The following F3 variants were observed in gnomAD, a reference collection of about 807,000 sequenced individuals.
F3 encodes the protein coagulation factor III, tissue factor, also known as tissue factor.
In F3, 18 loss-of-function variants were observed where a neutral mutation model predicts 33.5. The ratio of observed to expected loss-of-function variants is 0.54; its 90% CI spans 0.37 to 0.80. The LOEUF (loss-of-function observed/expected upper bound fraction) is 0.80, where lower values mean the gene tolerates loss of function less well. Among genes scored for constraint, F3 ranks in the 30% least tolerant of loss-of-function variants. The pLI is 0.00. For missense variants in F3, 353 were observed against 362.1 expected, an observed-to-expected ratio of 0.97 and a Z score of 0.20; for synonymous variants, 147 against 140.7, an observed-to-expected ratio of 1.05 and a Z score of -0.32.
intron 2 of F3, 70 bp downstream of exon 2, chr1:94,540,187 A>T (rs1651730965): frequency 2.1e-6 from 2 of 971,088 alleles, no homozygotes; most frequent in African/African-American, 1.6e-5. Context: ...AGCTTTAAAG[A>T]CATTCTTGTT....
Position 94,541,745 on chromosome 1 carries a change from G to C in F3, c.-109C>G. On this transcript the variant is annotated 5_prime_UTR_variant, in exon 1 of 6. Transcript: ENST00000334047. ...CCAGAGGGAGTGCGAGGGGGTGCGG[G>C]GAGCTCGCAGTCTTGGGGAGCCGGT... is the stretch of plus-strand genomic sequence containing the variant. 1 of 573,584 alleles carries C rather than the reference G, an allele frequency of 1.7e-6. No homozygotes were observed. Among genetic ancestry groups the C allele is most frequent in the Non-Finnish European group, 2.7e-6 (1 of 375,436 alleles). 35.5% of individuals were successfully genotyped at this position (573,584 alleles called of 1,614,324 possible).
Position 94,535,968 on chromosome 1 carries a change from C to A in F3, c.409G>T (p.Glu137Ter), listed in dbSNP as rs1651589868. 6.2e-7 allele frequency: 1 copy of A among 1,614,124 alleles called. No homozygotes were observed. The highest frequency in any genetic ancestry group is 1.3e-5 in the African/African-American group (1 of 75,052). ...ENSPEFTPYL[E>*]TNLGQPTIQS... is the part of the protein sequence containing the mutation. ...TATTACAGCCCAAGCCACTTACTCT[C>A]CAGGTAAGGTGTGAACTCTGGGGAG... Residue 137 changes from glutamate (E) to a stop codon, truncating the protein, a stop_gained, in exon 3 of 6, where the codon GAG (glutamate) becomes TAG (stop). Coordinates refer to ENST00000334047, the MANE Select transcript of F3 (RefSeq NM_001993.5). LOFTEE classifies it high-confidence loss of function.
Position 94,530,398 on chromosome 1 carries a change from C to G in F3, c.*62G>C, listed in dbSNP as rs368166806. The G allele has an allele frequency of 4.4e-6, 7 of 1,601,254 alleles. No homozygotes were observed. The East Asian group carries it at 8.9e-5, about 20-fold the overall frequency. On this transcript the variant is annotated 3_prime_UTR_variant, in exon 6 of 6. Coordinates refer to ENST00000334047, the MANE Select transcript of F3 (RefSeq NM_001993.5). ...CATTTGCGTTTCCATGTATTCTATCCTCTTAAAAGTTCTCGGTCACAGTGC... is the reference window on the plus strand; with the variant it reads ...CATTTGCGTTTCCATGTATTCTATCGTCTTAAAAGTTCTCGGTCACAGTGC...
chr1:94,532,305 T>A lies in F3; in HGVS notation c.751+16A>T, dbSNP rs756815662. ...GCACCCATACCCCCAGGCAAATGGC[T>A]GGCAGAGCCACTCACCTCTGAATTC... On this transcript the variant is annotated intron_variant, in intron 5 of 5. Coordinates refer to ENST00000334047, the MANE Select transcript of F3 (RefSeq NM_001993.5). 1.2e-6 allele frequency: 2 copies of A among 1,612,702 alleles called. No individual in the cohort carries two copies. Among genetic ancestry groups the A allele is most frequent in the South Asian group, 2.2e-5 (2 of 90,796 alleles).
In F3 at chr1:94,533,261, G is replaced by A. The variant is rs765263987; in HGVS notation, c.420C>T (p.Leu140=). 17 of 1,610,138 alleles carry A rather than the reference G, an allele frequency of 1.1e-5. No homozygotes were observed. Among genetic ancestry groups the A allele is most frequent in the Middle Eastern group, 1.7e-4 (1 of 6,056 alleles). Residue 140 remains leucine, a synonymous_variant, in exon 4 of 6, where the codon CTC becomes CTT. Transcript: ENST00000334047. ...PEFTPYLETN[L]GQPTIQSFEQ... is the part of the protein sequence containing the mutation. ...CAAAACTCTGAATTGTTGGCTGTCC[G>A]AGGTTTGCTGAAACAAAGGAAATGA...
At position 94,529,972 on chromosome 1, in the gene F3, G is replaced by A. The variant is rs1326017229; in HGVS notation, c.*488C>T. ...CACCTGTAATCCCAGCTACTCGGGA[G>A]GCTGAGGCAGACAATTGCTTGAACC... On this transcript the variant is annotated 3_prime_UTR_variant, in exon 6 of 6. Transcript: ENST00000334047. 6.5e-6 allele frequency: 1 copy of A among 153,166 alleles called. No individual in the cohort carries two copies. The highest frequency in any genetic ancestry group is 6.5e-5 in the Admixed American group (1 of 15,328). The allele number at this position is 153,166 out of a possible 1,614,324, so 9.5% of individuals were successfully genotyped here. A position where few individuals can be genotyped will look rare whatever the true frequency, so the allele number is the denominator to read the frequency against.
intron 2 of F3, among the ~76,000 whole-genome samples, chr1:94,539,483 C>T (rs760431680): frequency 6.6e-6 from 1 of 152,182 alleles, no homozygotes; most frequent in Non-Finnish European, 1.5e-5. Context: ...ATGTAATTAG[C>T]ATTAAAATAA....
intron 2 of F3, among the ~76,000 whole-genome samples, chr1:94,536,535 T>G (rs1474285359): frequency 9.9e-5 from 15 of 152,208 alleles, no homozygotes; most frequent in Admixed American, 9.8e-4. Flanking sequence ...AAAGTGAGAT[T>G]GGGTGACTAG....
At chr1:94,538,945 C>T (rs930130065) in intron 2 of F3, among the ~76,000 whole-genome samples, 4 of 152,160 alleles carry the variant, frequency 2.6e-5, no homozygotes, top group African/African-American at 9.7e-5. Context: ...TAAATAACAG[C>T]AGCCTTATAA....
rs374843345 is a variant in F3, at chr1:94,536,012, C to T, written c.365G>A (p.Gly122Glu). Reference protein sequence around the residue: ...AGNVESTGSAGEPLYENSPEF... With the variant: ...AGNVESTGSAEEPLYENSPEF... The stretch of plus-strand genomic sequence containing the variant: ...TGGGGAGTTCTCATACAGAGGCTCC[C>T]CAGCAGAACCGGTGCTCTCCACATT... Residue 122 changes from glycine to glutamate, a missense_variant, in exon 3 of 6, where the codon GGG (glycine) becomes GAG (glutamate). Coordinates refer to ENST00000334047, the MANE Select transcript of F3 (RefSeq NM_001993.5). 6 of 1,614,050 alleles carry T rather than the reference C, an allele frequency of 3.7e-6. No homozygotes were observed. In the African/African-American group the frequency reaches 4.0e-5, roughly 11 times the overall value.
intron 1 of F3, 74 bp downstream of exon 1, chr1:94,541,463 C>T: frequency 2.5e-6 from 3 of 1,203,650 alleles, no homozygotes; most frequent in East Asian, 3.2e-5. Context: ...AGGGCGAGCC[C>T]GCTGCCAGCC....
At chr1:94,531,268 A>G (rs1651416371) in intron 5 of F3, among the ~76,000 whole-genome samples, 2 of 151,514 alleles carry the variant, frequency 1.3e-5, no homozygotes, top group African/African-American at 2.4e-5. Flanking sequence ...TCATCTTCAC[A>G]TGGAGCTAAG....
At chr1:94,532,038 A>G (rs898707707) in intron 5 of F3, among the ~76,000 whole-genome samples, 2 of 152,232 alleles carry the variant, frequency 1.3e-5, no homozygotes, top group Non-Finnish European at 2.9e-5. Flanking sequence ...TTGTGTATCC[A>G]GTGCTCAGCA....
intron 5 of F3, 136 bp from the exon 6 acceptor site, chr1:94,530,732 C>CT (rs1351563140): frequency 6.0e-6 from 6 of 1,000,922 alleles, no homozygotes; most frequent in Non-Finnish European, 8.8e-6. Context: ...TTCCACCACA[C>CT]TTACATTAGG....
intron 4 of F3, 125 bp downstream of exon 4, chr1:94,532,965 C>G (rs1651475456): frequency 8.2e-6 from 8 of 970,190 alleles, no homozygotes; most frequent in Non-Finnish European, 1.2e-5. Flanking sequence ...CGCGCTCCCC[C>G]TTCTACTCCA....
In F3 at chr1:94,530,570, C is replaced by G. The variant is rs1651391929; in HGVS notation, c.778G>C (p.Val260Leu). Residue 260 changes from valine to leucine, a missense_variant, in exon 6 of 6, where the codon GTA becomes CTA. Transcript: ENST00000334047. The part of the protein sequence containing the change: ...REIFYIIGAV[V>L]FVVIILVIIL... ...ATGACAAGGATGATGACCACAAATA[C>G]CACAGCTCCAATGATGTAGAATATT... 6.2e-7 allele frequency: 1 copy of G among 1,614,102 alleles called. No homozygotes were observed. The highest frequency in any genetic ancestry group is 8.5e-7 in the Non-Finnish European group (1 of 1,180,022).
chr1:94,541,282 C>G (rs1440412119), intron 1 of F3, among the ~76,000 whole-genome samples: 1 of 152,208 alleles, frequency 6.6e-6, no homozygotes, highest in Non-Finnish European at 1.5e-5. Flanking sequence ...TCCAATTACT[C>G]GGACACCCCG....
At chr1:94,540,453 C>T in intron 1 of F3, 85 bp from the exon 2 acceptor site, 1 of 792,338 alleles carries the variant, frequency 1.3e-6, no homozygotes, top group Non-Finnish European at 2.1e-6. Flanking sequence ...TCCCACCTGA[C>T]ATCACCATAA....
chr1:94,532,238 C>T (rs1651454233), intron 5 of F3, 83 bp downstream of exon 5: 3 of 1,360,382 alleles, frequency 2.2e-6, no homozygotes, highest in Non-Finnish European at 2.0e-6. Context: ...GAAGTATATC[C>T]CAGCCCTGAG....
Sources: allele counts gnomAD v4.1 joint callset (sites outside exome capture counted in the v4.1 genomes callset), GRCh38; gene constraint gnomAD v4.1.1; transcripts MANE v1.5; gene names NCBI Gene and HGNC (gene_info 2026-07-23, HGNC 2026-07-21).